Variants in MARK3 observed in about 807,000 individuals in gnomAD.
MARK3 encodes MAP/microtubule affinity-regulating kinase 3.
A neutral mutation model predicts 90.1 loss-of-function variants in MARK3; 46 were observed. The ratio of observed to expected loss-of-function variants is 0.51; its 90% CI spans 0.40 to 0.65. The LOEUF (loss-of-function observed/expected upper bound fraction) is 0.65. Ranked by LOEUF, MARK3 falls within the 30% of genes least tolerant of loss-of-function variation. The pLI is 0.00. For synonymous variants in MARK3, 321 were observed against 332.6 expected (o/e 0.97, Z 0.38); for missense variants, 818 against 947.2 (o/e 0.86, Z 1.79).
chr14:103,443,318 G>C (rs777961562), intron 3 of MARK3, among the ~76,000 whole-genome samples: 1 of 152,164 alleles, frequency 6.6e-6, no homozygotes. Flanking sequence ...AACTTAAGAA[G>C]AGGAACTTCC....
Position 103,503,122 on chromosome 14 carries a change from G to A in MARK3, c.2157G>A (p.Lys719=), listed in dbSNP as rs746503249. The part of the protein sequence containing the change: ...NLVQWEMEVC[K]LPRLSLNGVR... ...TGCAGTGGGAAATGGAAGTGTGCAA[G>A]CTGCCAAGACTGTCTCTGAACGGGG... Residue 719 remains lysine, a synonymous_variant, in exon 18 of 18, where the codon AAG becomes AAA. Transcript: ENST00000429436. The A allele has an allele frequency of 6.2e-7, 1 of 1,614,232 alleles. No homozygotes were observed. The highest frequency in any genetic ancestry group is 8.5e-7 in the Non-Finnish European group (1 of 1,180,040).
intron 13 of MARK3, among the ~76,000 whole-genome samples, chr14:103,479,968 A>G (rs1230351859): frequency 6.6e-6 from 1 of 151,998 alleles, no homozygotes; most frequent in Non-Finnish European, 1.5e-5. Context: ...AGAAATATCT[A>G]TTGAAGGTGC....
At chr14:103,463,297 G>A (rs776130207) in intron 7 of MARK3, among the ~76,000 whole-genome samples, 4 of 151,732 alleles carry the variant, frequency 2.6e-5, no homozygotes, top group Non-Finnish European at 4.4e-5. Context: ...TTACGTAATT[G>A]CCATTGACTT....
chr14:103,451,929 G>C lies in MARK3; in HGVS notation c.358G>C (p.Glu120Gln). Residue 120 changes from glutamate (E) to glutamine (Q), a missense_variant, in exon 5 of 18, where the codon GAA becomes CAA. Glu to Gln is a conservative substitution (Grantham distance 29). Transcript: ENST00000429436. ...CTCCTCTCCCGCAGTGAAGTTATTC[G>C]AAGTCATTGAAACTGAAAAAACACT... ...LNHPNIVKLFEVIETEKTLYL... is the reference protein window; with the variant it reads ...LNHPNIVKLFQVIETEKTLYL... 6.2e-7 allele frequency: 1 copy of C among 1,611,434 alleles called. No individual in the cohort carries two copies. Among genetic ancestry groups the C allele is most frequent in the Non-Finnish European group, 8.5e-7 (1 of 1,178,554 alleles).
chr14:103,419,036 C>A (rs1232376412), intron 2 of MARK3, among the ~76,000 whole-genome samples: 1 of 152,168 alleles, frequency 6.6e-6, no homozygotes, highest in Non-Finnish European at 1.5e-5. Context: ...CGCCTGTAAT[C>A]CCAGCACTTT....
At position 103,480,414 on chromosome 14, in the gene MARK3, C is replaced by T. The variant is rs372126503; in HGVS notation, c.1510C>T (p.Arg504Ter). 3.7e-6 allele frequency: 6 copies of T among 1,612,572 alleles called. No individual in the cohort carries two copies. Among genetic ancestry groups the T allele is most frequent in the Non-Finnish European group, 4.2e-6 (5 of 1,179,096 alleles). Residue 504 changes from arginine to a stop codon, truncating the protein, a stop_gained, in exon 14 of 18, where the codon CGA (arginine) becomes TGA (stop). Transcript: ENST00000429436. LOFTEE classifies it high-confidence loss of function. Reference sequence around the variant, plus strand: ...TAACACAGCATCTGGTGGAATGACACGACGAAATACTTATGTTTGCAGTGA... The same window carrying T: ...TAACACAGCATCTGGTGGAATGACATGACGAAATACTTATGTTTGCAGTGA... ...SSNTASGGMT[R>*]RNTYVCSERT...
chr14:103,421,121 G>T (rs2092201749), intron 2 of MARK3, among the ~76,000 whole-genome samples: 1 of 152,188 alleles, frequency 6.6e-6, no homozygotes, highest in Non-Finnish European at 1.5e-5. Context: ...GCTTTACAAA[G>T]AAGATGCACG....
At chr14:103,428,560 C>G in intron 3 of MARK3, 120 bp downstream of exon 3, 4 of 629,080 alleles carry the variant, frequency 6.4e-6, no homozygotes, top group South Asian at 2.0e-5. Context: ...CTTCCTATTC[C>G]TCAAATGAAT....
At chr14:103,433,617 G>A (rs139265040) in intron 3 of MARK3, among the ~76,000 whole-genome samples, 2 of 151,622 alleles carry the variant, frequency 1.3e-5, no homozygotes, top group South Asian at 2.1e-4. Context: ...CCTCGGAGGC[G>A]GAGGTTGCAG....
At chr14:103,452,791 T>G (rs1272703180) in intron 5 of MARK3, among the ~76,000 whole-genome samples, 1 of 152,230 alleles carries the variant, frequency 6.6e-6, no homozygotes, top group Non-Finnish European at 1.5e-5. Context: ...TTTTTGTGTC[T>G]GGCTGATTGA....
chr14:103,415,464 A>C (rs766701876), intron 2 of MARK3, among the ~76,000 whole-genome samples: 2 of 152,190 alleles, frequency 1.3e-5, no homozygotes, highest in Non-Finnish European at 2.9e-5. Context: ...TGAAAATGCT[A>C]CCCATTATCC....
intron 12 of MARK3, among the ~76,000 whole-genome samples, chr14:103,470,739 G>A (rs1268442558): frequency 1.3e-5 from 2 of 152,036 alleles, no homozygotes; most frequent in Non-Finnish European, 2.9e-5. Flanking sequence ...TTACAGGCAT[G>A]AGTCACTGCG....
chr14:103,427,018 C>T (rs2092427278), intron 2 of MARK3, among the ~76,000 whole-genome samples: 1 of 152,032 alleles, frequency 6.6e-6, no homozygotes, highest in East Asian at 1.9e-4. Context: ...TGCTACATTG[C>T]ATATGTTTTT....
intron 7 of MARK3, among the ~76,000 whole-genome samples, chr14:103,464,085 C>T (rs989508437): frequency 6.6e-6 from 1 of 152,148 alleles, no homozygotes; most frequent in African/African-American, 2.4e-5. Context: ...TCAGTGCCAA[C>T]CCACAACTCC....
intron 3 of MARK3, among the ~76,000 whole-genome samples, chr14:103,436,768 AC>A (rs1427409884): frequency 6.6e-6 from 1 of 151,580 alleles, no homozygotes; most frequent in Non-Finnish European, 1.5e-5. Context: ...ATGAGTCACC[AC>A]CCCCAGCCTG....
chr14:103,407,626 T>C (rs1294470653), intron 2 of MARK3, among the ~76,000 whole-genome samples: 1 of 140,992 alleles, frequency 7.1e-6, no homozygotes. Flanking sequence ...AGTGGTGTGA[T>C]CTCAGCTCCC....
chr14:103,432,731 C>A (rs186998212), intron 3 of MARK3, among the ~76,000 whole-genome samples: 1 of 152,112 alleles, frequency 6.6e-6, no homozygotes, highest in African/African-American at 2.4e-5. Flanking sequence ...TGGTGTGTAC[C>A]TGTAGTTCCA....
chr14:103,388,076 C>T (rs1274330434), intron 1 of MARK3, among the ~76,000 whole-genome samples: 1 of 152,138 alleles, frequency 6.6e-6, no homozygotes, highest in African/African-American at 2.4e-5. Flanking sequence ...GGATTACAGG[C>T]ATGTGCCACC....
intron 3 of MARK3, among the ~76,000 whole-genome samples, chr14:103,448,494 AT>A (rs2093050209): frequency 1.3e-5 from 2 of 152,150 alleles, no homozygotes; most frequent in South Asian, 4.1e-4. Context: ...ATTATTTGGA[AT>A]TATCAGTTTA....
Sources: gnomAD v4.1 joint callset for allele counts (sites outside exome capture counted in the v4.1 genomes callset) on GRCh38, gnomAD v4.1.1 for gene constraint, MANE v1.5 for transcripts, NCBI Gene and HGNC (gene_info 2026-07-23, HGNC 2026-07-21) for gene names.